The following GALNT13 variants were observed in gnomAD, a reference collection of about 807,000 sequenced individuals.
The protein encoded by GALNT13 is polypeptide N-acetylgalactosaminyltransferase 13.
GALNT13 carries 28 observed loss-of-function variants against 64.2 expected under a neutral mutation model. The ratio of observed to expected loss-of-function variants is 0.44; its 90% confidence interval spans 0.32 to 0.60. The LOEUF is 0.60. Among genes scored for constraint, GALNT13 ranks in the 20% least tolerant of loss-of-function variants. GALNT13 has a pLI of 0.05. For missense variants in GALNT13, 577 were observed against 669.8 expected (o/e 0.86, Z 1.53); for synonymous variants, 214 against 224.6 (o/e 0.95, Z 0.42).
At chr2:153,618,958 TG>T in the GALNT13 span, among the ~76,000 whole-genome samples, 12 of 152,158 alleles carry the variant, frequency 7.9e-5, no homozygotes, top group Admixed American at 5.2e-4. Flanking sequence ...CAATGGTTCT[TG>T]TTTTTTCATC....
chr2:153,479,790 T>A, the GALNT13 span, among the ~76,000 whole-genome samples: 1 of 152,228 alleles, frequency 6.6e-6, no homozygotes, highest in African/African-American at 2.4e-5. Flanking sequence ...TAGGCCTGAT[T>A]GACGCTTCAG....
At chr2:154,194,728 G>A (rs966760479) in intron 4 of GALNT13, among the ~76,000 whole-genome samples, 5 of 151,956 alleles carry the variant, frequency 3.3e-5, no homozygotes, top group East Asian at 1.9e-4. Flanking sequence ...ATAATGCCAC[G>A]AACTAGGAAC....
rs868154254 is a variant in GALNT13, at chr2:154,145,108, A to C, written c.311+4603A>C. ...TCTATCTATCTATCTATCTATATATATATATATATATACACACACTAAAAA... is the reference window on the plus strand; with the variant it reads ...TCTATCTATCTATCTATCTATATATCTATATATATATACACACACTAAAAA... On this transcript the variant is annotated intron_variant, in intron 4 of 12. Coordinates refer to ENST00000392825, the MANE Select transcript of GALNT13 (RefSeq NM_052917.4). 3.0e-3 allele frequency among the ~76,000 whole-genome samples: 417 copies of C among 138,604 alleles called. 2 individuals carry two copies. Among genetic ancestry groups the C allele is most frequent in the African/African-American group, 8.8e-3 (345 of 39,420 alleles). The allele number at this position is 138,604 out of a possible 152,430, so 90.9% of individuals were successfully genotyped here.
At chr2:153,068,433 G>A in the GALNT13 span, among the ~76,000 whole-genome samples, 3 of 152,096 alleles carry the variant, frequency 2.0e-5, no homozygotes, top group African/African-American at 4.8e-5. Context: ...GTTTACTGAG[G>A]TTTTGTGTCT....
chr2:153,695,735 T>C, the GALNT13 span, among the ~76,000 whole-genome samples: 2 of 151,352 alleles, frequency 1.3e-5, no homozygotes, highest in African/African-American at 4.8e-5. Flanking sequence ...ATTAACTAAA[T>C]TGGAAGGAAT....
the GALNT13 span, among the ~76,000 whole-genome samples, chr2:153,784,695 C>T: frequency 6.6e-6 from 1 of 152,104 alleles, no homozygotes; most frequent in Non-Finnish European, 1.5e-5. Flanking sequence ...ACATACATAC[C>T]CCTAGGGTTG....
chr2:154,070,292 C>A (rs1461861820), intron 3 of GALNT13, among the ~76,000 whole-genome samples: 1 of 152,070 alleles, frequency 6.6e-6, no homozygotes, highest in Admixed American at 6.6e-5. Flanking sequence ...ACATGAGAAA[C>A]TGCATTATGT....
the GALNT13 span, among the ~76,000 whole-genome samples, chr2:153,177,931 T>C: frequency 6.6e-6 from 1 of 152,204 alleles, no homozygotes; most frequent in South Asian, 2.1e-4. Flanking sequence ...TGTGAGTTTA[T>C]TTTAGAACCC....
At chr2:153,258,780 T>C in the GALNT13 span, among the ~76,000 whole-genome samples, 1 of 152,222 alleles carries the variant, frequency 6.6e-6, no homozygotes, top group Non-Finnish European at 1.5e-5. Context: ...ATATTTCGTC[T>C]TGTTATCAAT....
chr2:154,064,660 G>T (rs1337920269), intron 3 of GALNT13, among the ~76,000 whole-genome samples: 1 of 152,032 alleles, frequency 6.6e-6, no homozygotes, highest in African/African-American at 2.4e-5. Context: ...ATAAAGGAAG[G>T]ACCCAGTCCT....
the GALNT13 span, among the ~76,000 whole-genome samples, chr2:153,441,352 C>T: frequency 9.9e-5 from 15 of 152,240 alleles, no homozygotes; most frequent in Admixed American, 7.2e-4. Flanking sequence ...TTACTGTAGC[C>T]TTGTAGTATA....
the GALNT13 span, among the ~76,000 whole-genome samples, chr2:153,786,944 G>A: frequency 0.012 from 1,901 of 152,130 alleles, 34 homozygotes; most frequent in African/African-American, 0.042. Context: ...CCGCTGGCTC[G>A]GGTCCACAGC....
intron 8 of GALNT13, among the ~76,000 whole-genome samples, chr2:154,297,330 C>T (rs1170832489): frequency 2.6e-5 from 4 of 152,122 alleles, no homozygotes; most frequent in South Asian, 2.1e-4. Context: ...GGATGGTGGC[C>T]GCGGAAACAG....
chr2:154,407,938 T>C (rs543490817), intron 10 of GALNT13, among the ~76,000 whole-genome samples: 1 of 152,258 alleles, frequency 6.6e-6, no homozygotes, highest in East Asian at 1.9e-4. Flanking sequence ...TATATGTTTA[T>C]GTAGTAAGTT....
At chr2:154,174,697 A>G (rs1321733231) in intron 4 of GALNT13, among the ~76,000 whole-genome samples, 3 of 152,128 alleles carry the variant, frequency 2.0e-5, no homozygotes, top group African/African-American at 7.2e-5. Flanking sequence ...GAAACTTGAC[A>G]TTTGGTTAAT....
At chr2:154,183,411 G>A (rs962221095) in intron 4 of GALNT13, among the ~76,000 whole-genome samples, 2 of 151,794 alleles carry the variant, frequency 1.3e-5, no homozygotes, top group African/African-American at 4.8e-5. Context: ...CTGTTGTTTA[G>A]TCTATCTAAA....
At chr2:154,455,273 T>C (rs568436959), downstream of GALNT13, among the ~76,000 whole-genome samples, 1 of 152,322 alleles carries the variant, frequency 6.6e-6, no homozygotes, top group Non-Finnish European at 1.5e-5. Context: ...TGATCGTATC[T>C]GCTCACAACC....
intron 1 of GALNT13, among the ~76,000 whole-genome samples, chr2:153,897,422 G>A (rs1310970078): frequency 3.3e-5 from 5 of 152,122 alleles, no homozygotes; most frequent in Non-Finnish European, 5.9e-5. Flanking sequence ...TACCACAAAA[G>A]TGATGTTGTG....
the GALNT13 span, among the ~76,000 whole-genome samples, chr2:153,404,244 G>T: frequency 1.3e-5 from 2 of 152,156 alleles, no homozygotes; most frequent in Non-Finnish European, 2.9e-5. Context: ...GACACGTACA[G>T]CCCCAGTTAT....
Sources: gnomAD v4.1 joint callset for allele counts (sites outside exome capture counted in the v4.1 genomes callset) on GRCh38, gnomAD v4.1.1 for gene constraint, MANE v1.5 for transcripts, NCBI Gene and HGNC (gene_info 2026-07-23, HGNC 2026-07-21) for gene names.